LDLRAD4: variants seen among roughly 807,000 people sequenced by gnomAD.
LDLRAD4 encodes the protein low density lipoprotein receptor class A domain containing 4.
Under a neutral mutation model 17.0 loss-of-function variants are expected in LDLRAD4, and 5 were observed. That is an observed-to-expected ratio of 0.29 (90% CI 0.15 to 0.62). LDLRAD4 has a LOEUF of 0.62. Among genes scored for constraint, LDLRAD4 ranks in the 20% least tolerant of loss-of-function variants. The probability of loss-of-function intolerance (pLI) is 0.84; values close to 1 mark genes in which losing one functional copy is unlikely to be tolerated. For missense variants in LDLRAD4, 340 were observed against 424.7 expected, an observed-to-expected ratio of 0.80 and a Z score of 1.75; for synonymous variants, 168 against 171.8, an observed-to-expected ratio of 0.98 and a Z score of 0.17.
intron 1 of LDLRAD4, among the ~76,000 whole-genome samples, chr18:13,354,250 T>C (rs1181586184): frequency 6.6e-6 from 1 of 152,208 alleles, no homozygotes; most frequent in Non-Finnish European, 1.5e-5. Flanking sequence ...GCTTAGCATT[T>C]AATTTTTTCA....
chr18:13,307,312 C>T (rs2046972883), intron 1 of LDLRAD4, among the ~76,000 whole-genome samples: 1 of 152,274 alleles, frequency 6.6e-6, no homozygotes, highest in South Asian at 2.1e-4. Flanking sequence ...CTCCCCTCAG[C>T]GTACTCAATG....
chr18:13,218,819 T>C (rs2041284832), exon 1 of LDLRAD4: 3 of 152,502 alleles, frequency 2.0e-5, no homozygotes, highest in Admixed American at 2.0e-4. Context: ...GAAGCAGGCG[T>C]GTGTTGAATT....
chr18:13,363,010 G>A (rs1029757048), intron 1 of LDLRAD4, among the ~76,000 whole-genome samples: 14 of 152,094 alleles, frequency 9.2e-5, no homozygotes, highest in African/African-American at 2.7e-4. Flanking sequence ...AATGCCAACC[G>A]GCAGCAAAGG....
rs189697707 is a variant in LDLRAD4 at position 13,438,008 on chromosome 18, G to A, written c.41-236G>A. ...CAGTGCCGTAGAGTGAGGCGTGCAA[G>A]GTGGGCCTCGGTGCCCCTGTGGAGT... On this transcript the variant is annotated intron_variant, in intron 2 of 5. Coordinates refer to ENST00000359446, the Ensembl canonical transcript of LDLRAD4. Among the ~76,000 whole-genome samples the A allele has an allele frequency of 2.6e-5, 4 of 152,370 alleles. No individual in the cohort carries two copies. In the East Asian group the frequency reaches 7.7e-4, roughly 29 times the overall value.
intron 1 of LDLRAD4, among the ~76,000 whole-genome samples, chr18:13,219,779 T>C (rs1009175039): frequency 2.6e-5 from 4 of 152,268 alleles, no homozygotes; most frequent in Non-Finnish European, 5.9e-5. Context: ...CTCCTCTCTG[T>C]ATCTTCCCTG....
chr18:13,466,567 G>A (rs2092624428), intron 3 of LDLRAD4, among the ~76,000 whole-genome samples: 1 of 150,824 alleles, frequency 6.6e-6, no homozygotes, highest in Non-Finnish European at 1.5e-5. Context: ...ACACAGAAAA[G>A]GCATTTGACA....
intron 3 of LDLRAD4, among the ~76,000 whole-genome samples, chr18:13,508,709 T>A (rs1256279870): frequency 2.6e-5 from 4 of 152,182 alleles, no homozygotes; most frequent in Non-Finnish European, 4.4e-5. Context: ...AAGATTCCTT[T>A]CAAAGTATTA....
At chr18:13,539,554 T>C (rs2094246985) in intron 3 of LDLRAD4, among the ~76,000 whole-genome samples, 1 of 152,230 alleles carries the variant, frequency 6.6e-6, no homozygotes. Flanking sequence ...CCTTTCCTCC[T>C]CTTTCAAGGT....
chr18:13,461,418 G>A (rs781188855), intron 3 of LDLRAD4: 1 of 152,272 alleles, frequency 6.6e-6, no homozygotes, highest in Non-Finnish European at 1.5e-5. Context: ...CGTCATTGAA[G>A]AAGGAGAGTG....
chr18:13,391,370 G>A (rs2086262473), intron 2 of LDLRAD4, among the ~76,000 whole-genome samples: 2 of 152,160 alleles, frequency 1.3e-5, no homozygotes, highest in Non-Finnish European at 2.9e-5. Context: ...GTACCATGAA[G>A]GGGGTGGGAG....
At chr18:13,573,912 C>A (rs976972718) in intron 3 of LDLRAD4, among the ~76,000 whole-genome samples, 1 of 152,164 alleles carries the variant, frequency 6.6e-6, no homozygotes, top group African/African-American at 2.4e-5. Context: ...TTCTCCTGTT[C>A]CCATCTCCGC....
exon 6 of LDLRAD4, chr18:13,648,912 A>G (rs2043124476): frequency 6.6e-6 from 1 of 152,164 alleles, no homozygotes; most frequent in African/African-American, 2.4e-5. Context: ...TACTGACGCA[A>G]TCCTTAATGG....
chr18:13,332,744 G>GTT (rs34862768), intron 1 of LDLRAD4, among the ~76,000 whole-genome samples: 1 of 139,806 alleles, frequency 7.2e-6, no homozygotes. Context: ...CATTTTTTTT[G>GTT]TTTTTTTTTT....
chr18:13,593,624 A>C (rs1421678167), intron 3 of LDLRAD4, among the ~76,000 whole-genome samples: 2 of 152,054 alleles, frequency 1.3e-5, no homozygotes, highest in Admixed American at 1.3e-4. Context: ...ATATCTGTCT[A>C]TCTAGCTAGC....
At chr18:13,497,853 GA>G (rs2093503452) in intron 3 of LDLRAD4, among the ~76,000 whole-genome samples, 1 of 152,152 alleles carries the variant, frequency 6.6e-6, no homozygotes, top group Non-Finnish European at 1.5e-5. Flanking sequence ...TCCCGCCGTG[GA>G]CACTGGAGAA....
At chr18:13,453,150 G>C (rs2091937129) in intron 3 of LDLRAD4, among the ~76,000 whole-genome samples, 1 of 152,180 alleles carries the variant, frequency 6.6e-6, no homozygotes, top group Non-Finnish European at 1.5e-5. Context: ...CAGGACCCCG[G>C]TATCTTGCCC....
At chr18:13,373,861 T>G (rs1327361768) in intron 1 of LDLRAD4, among the ~76,000 whole-genome samples, 2 of 152,238 alleles carry the variant, frequency 1.3e-5, no homozygotes, top group African/African-American at 2.4e-5. Context: ...ACCTTAGTTA[T>G]TTTTTATAAT....
chr18:13,582,375 A>C (rs946573606), intron 3 of LDLRAD4, among the ~76,000 whole-genome samples: 1 of 152,268 alleles, frequency 6.6e-6, no homozygotes, highest in South Asian at 2.1e-4. Flanking sequence ...TAGCTGCGCC[A>C]TCAATCAAAG....
At chr18:13,572,451 TAA>T in intron 3 of LDLRAD4, among the ~76,000 whole-genome samples, 1 of 152,320 alleles carries the variant, frequency 6.6e-6, no homozygotes, top group East Asian at 1.9e-4. Context: ...GTTTAGCAGA[TAA>T]AGAGAATCCC....
Sources: allele counts gnomAD v4.1 joint callset (sites outside exome capture counted in the v4.1 genomes callset), GRCh38; gene constraint gnomAD v4.1.1; transcripts MANE v1.5; gene names NCBI Gene and HGNC (gene_info 2026-07-23, HGNC 2026-07-21).